The following LIMCH1 variants were observed in gnomAD, a reference collection of about 807,000 sequenced individuals.
LIMCH1 encodes the protein LIM and calponin homology domains 1.
Under a neutral mutation model 176.5 loss-of-function variants are expected in LIMCH1, and 113 were observed. The observed-to-expected ratio is 0.64, with a 90% CI of 0.55 to 0.75. The LOEUF (loss-of-function observed/expected upper bound fraction) is 0.75. Among genes scored for constraint, LIMCH1 ranks in the 30% least tolerant of loss-of-function variants. The pLI, the probability that LIMCH1 is intolerant of heterozygous loss-of-function variation, is 0.00. For synonymous variants in LIMCH1, 619 were observed against 645.9 expected (o/e 0.96, Z 0.63); for missense variants, 1,674 against 1,814.9 (o/e 0.92, Z 1.41).
At chr4:41,657,798 G>A (rs1198032338) in intron 18 of LIMCH1, among the ~76,000 whole-genome samples, 1 of 152,090 alleles carries the variant, frequency 6.6e-6, no homozygotes, top group African/African-American at 2.4e-5. Flanking sequence ...TCCTCAGAAC[G>A]TGGACTGAAC....
At chr4:41,388,737 G>T (rs893403951) in intron 1 of LIMCH1, among the ~76,000 whole-genome samples, 1 of 152,128 alleles carries the variant, frequency 6.6e-6, no homozygotes, top group South Asian at 2.1e-4. Context: ...CCGCCTCCCG[G>T]GTTCAAGTGA....
At chr4:41,384,818 A>T (rs1481370646) in intron 1 of LIMCH1, among the ~76,000 whole-genome samples, 1 of 152,196 alleles carries the variant, frequency 6.6e-6, no homozygotes, top group Non-Finnish European at 1.5e-5. Flanking sequence ...AAATACTACC[A>T]AGTATTACTT....
At chr4:41,515,857 G>A (rs1327409019) in intron 2 of LIMCH1, among the ~76,000 whole-genome samples, 1 of 152,158 alleles carries the variant, frequency 6.6e-6, no homozygotes, top group African/African-American at 2.4e-5. Flanking sequence ...CCCCAAGACT[G>A]GATACAGAAA....
chr4:41,670,588 G>A, intron 21 of LIMCH1: 1 of 595,520 alleles, frequency 1.7e-6, no homozygotes, highest in Admixed American at 3.3e-5. Flanking sequence ...TTGTACTGTA[G>A]ATTTACTGAC....
chr4:41,409,978 AAC>A (rs2059337961), intron 1 of LIMCH1, among the ~76,000 whole-genome samples: 2 of 152,212 alleles, frequency 1.3e-5, no homozygotes, highest in African/African-American at 4.8e-5. Context: ...AAAACATGCT[AAC>A]AGTTACTCCT....
At chr4:41,594,801 T>C (rs4529090) in intron 1 of LIMCH1, among the ~76,000 whole-genome samples, 49,443 of 152,052 alleles carry the variant, frequency 0.33, 12,207 homozygotes, top group African/African-American at 0.7. Flanking sequence ...CAGATCTGTG[T>C]GTCTGGGATG....
intron 18 of LIMCH1, among the ~76,000 whole-genome samples, 177 bp downstream of exon 18, chr4:41,650,785 A>G (rs560820711): frequency 1.5e-4 from 23 of 152,294 alleles, no homozygotes; most frequent in Admixed American, 2.6e-4. Flanking sequence ...ACTGTCTCAC[A>G]GTCCTGGTAG....
chr4:41,508,826 C>T (rs1019711993), intron 2 of LIMCH1, among the ~76,000 whole-genome samples: 1 of 152,156 alleles, frequency 6.6e-6, no homozygotes, highest in African/African-American at 2.4e-5. Context: ...GCCTGCCTTG[C>T]TTGCAGAAGG....
rs140196516 is a variant in LIMCH1, at chr4:41,444,608, T to G, written c.97-49928T>G. On this transcript the variant is annotated intron_variant, in intron 1 of 26. Transcript: ENST00000313860. Reference sequence around the variant, plus strand: ...GGTGGTCAACATATCACAGTGGTCTTTCCCTTCCCAAATAACTGTGAGAAC... The same window carrying G: ...GGTGGTCAACATATCACAGTGGTCTGTCCCTTCCCAAATAACTGTGAGAAC... Among the ~76,000 whole-genome samples the G allele has an allele frequency of 6.6e-5, 10 of 152,258 alleles. No homozygotes were observed. In the East Asian group the frequency reaches 1.5e-3, roughly 24 times the overall value.
Position 41,644,524 on chromosome 4 carries a change from G to A in LIMCH1, c.2151G>A (p.Arg717=). Residue 717 remains arginine (R), a synonymous_variant, in exon 15 of 32, where the codon CGG becomes CGA. Transcript: ENST00000503057. ...GGAGCACCAGCATGTTTGACATGCG[G>A]TGTGAGGAGGAGGCCGCGGTGCAGC... ...DAESTSMFDM[R]CEEEAAVQPH... The A allele has an allele frequency of 6.3e-7, 1 of 1,587,496 alleles. No individual in the cohort carries two copies. The highest frequency in any genetic ancestry group is 8.6e-7 in the Non-Finnish European group (1 of 1,167,434).
intron 13 of LIMCH1, among the ~76,000 whole-genome samples, chr4:41,635,017 G>T (rs558311525): frequency 2.0e-5 from 3 of 152,152 alleles, no homozygotes; most frequent in Admixed American, 1.3e-4. Flanking sequence ...ACATTTAGGC[G>T]CTCTCCCATT....
intron 3 of LIMCH1, among the ~76,000 whole-genome samples, chr4:41,526,897 G>A (rs773650475): frequency 3.3e-5 from 5 of 152,182 alleles, no homozygotes; most frequent in Non-Finnish European, 7.4e-5. Flanking sequence ...CCCAGAGCAG[G>A]CCATCCTCAT....
intron 1 of LIMCH1, among the ~76,000 whole-genome samples, chr4:41,402,276 A>G (rs1444950868): frequency 7.2e-5 from 11 of 152,080 alleles, no homozygotes; most frequent in Admixed American, 6.5e-4. Context: ...CCACAATGAG[A>G]TACCATCTCA....
At position 41,419,595 on chromosome 4, in the gene LIMCH1, CTTCCTTCCGTCCTTCCTTCCT is replaced by C. The variant is rs1210620593; in HGVS notation, c.96+58661_96+58681del. 1.3e-3 allele frequency among the ~76,000 whole-genome samples: 99 copies of C among 78,588 alleles called. 4 individuals are homozygous for C. Among genetic ancestry groups the C allele is most frequent in the African/African-American group, 8.6e-3 (78 of 9,106 alleles). The allele number at this position is 78,588 out of a possible 152,430, so 51.6% of individuals were successfully genotyped here. ...CCTTCCTTCCTTCCTTCCTTCCTTC[CTTCCTTCCGTCCTTCCTTCCT>C]TCCTTCCTTCCTTCCTTCCTCCTTC... is the stretch of plus-strand genomic sequence containing the variant. On this transcript the variant is annotated intron_variant, in intron 1 of 26. Transcript: ENST00000313860.
intron 14 of LIMCH1, among the ~76,000 whole-genome samples, chr4:41,642,363 T>G (rs567419305): frequency 2.6e-5 from 4 of 152,280 alleles, no homozygotes; most frequent in African/African-American, 9.6e-5. Flanking sequence ...TTTTTGTGTC[T>G]TTCTGGAAGG....
At chr4:41,494,244 C>G (rs2071616892) in intron 1 of LIMCH1, among the ~76,000 whole-genome samples, 1 of 150,654 alleles carries the variant, frequency 6.6e-6, no homozygotes, top group Non-Finnish European at 1.5e-5. Context: ...CAGATTTTCC[C>G]CATTCTTGGA....
chr4:41,620,554 G>GAGC lies in LIMCH1; in HGVS notation c.591_593dup (p.Glu197_His198insGln). 2 of 1,536,388 alleles carry GAGC rather than the reference G, an allele frequency of 1.3e-6. No individual in the cohort carries two copies. Among genetic ancestry groups the GAGC allele is most frequent in the Non-Finnish European group, 1.7e-6 (2 of 1,146,978 alleles). ...TGAATTACCTGACGGCAGTGGTAAG[G>GAGC]AGCACCCTTCTTCAGACGGGGCTGT... On this transcript the variant is annotated inframe_insertion, in exon 7 of 32. Transcript: ENST00000503057.
chr4:41,569,688 C>T (rs951936181), intron 1 of LIMCH1, among the ~76,000 whole-genome samples: 1 of 152,162 alleles, frequency 6.6e-6, no homozygotes, highest in African/African-American at 2.4e-5. Context: ...ACTGGAGATG[C>T]ATTGTCAAAG....
chr4:41,383,052 A>G (rs1214428908), intron 1 of LIMCH1, among the ~76,000 whole-genome samples: 1 of 152,124 alleles, frequency 6.6e-6, no homozygotes, highest in African/African-American at 2.4e-5. Flanking sequence ...CAGCCTCCCA[A>G]AGTGTTGGGA....
Sources: allele counts gnomAD v4.1 joint callset (sites outside exome capture counted in the v4.1 genomes callset), GRCh38; gene constraint gnomAD v4.1.1; transcripts MANE v1.5; gene names NCBI Gene and HGNC (gene_info 2026-07-23, HGNC 2026-07-21).